Variants in CALN1 observed in about 807,000 individuals in gnomAD.
CALN1 encodes calneuron 1, also known as calcium-binding protein 8.
A neutral mutation model predicts 30.6 loss-of-function variants in CALN1; 17 were observed. That is an observed-to-expected ratio of 0.56 (90% CI 0.38 to 0.83). CALN1 has a LOEUF of 0.83. CALN1 is among the 40% of genes least tolerant of loss of function. The pLI is 0.00. For synonymous variants in CALN1, 156 were observed against 131.4 expected, an observed-to-expected ratio of 1.19 and a Z score of -1.28; for missense variants, 291 against 354.9, an observed-to-expected ratio of 0.82 and a Z score of 1.45.
intron 2 of CALN1, among the ~76,000 whole-genome samples, chr7:72,318,238 T>G (rs1800621248): frequency 6.6e-6 from 1 of 152,198 alleles, no homozygotes; most frequent in South Asian, 2.1e-4. Flanking sequence ...CACCTTGATT[T>G]TACGTTATTT....
chr7:72,369,079 T>A (rs1804056053), intron 2 of CALN1, among the ~76,000 whole-genome samples: 1 of 151,574 alleles, frequency 6.6e-6, no homozygotes, highest in African/African-American at 2.4e-5. Context: ...CCTCCTAAAG[T>A]GCTGTGATTA....
At chr7:71,858,858 AC>A (rs1791103363) in intron 5 of CALN1, among the ~76,000 whole-genome samples, 1 of 151,984 alleles carries the variant, frequency 6.6e-6, no homozygotes, top group South Asian at 2.1e-4. Context: ...CTGTGCCCCG[AC>A]CACTTTGGGC....
intron 5 of CALN1, among the ~76,000 whole-genome samples, chr7:71,995,284 G>T (rs1039350113): frequency 6.6e-6 from 1 of 152,212 alleles, no homozygotes; most frequent in African/African-American, 2.4e-5. Flanking sequence ...TGGCTTCCAG[G>T]TTCCTCCTTT....
chr7:71,996,331 TTAAC>T (rs1429345068), intron 5 of CALN1, among the ~76,000 whole-genome samples: 1 of 152,186 alleles, frequency 6.6e-6, no homozygotes, highest in African/African-American at 2.4e-5. Context: ...GAAAAGACAC[TTAAC>T]TGACTTCAAT....
At chr7:72,253,354 G>A (rs1474533043) in intron 3 of CALN1, among the ~76,000 whole-genome samples, 1 of 152,198 alleles carries the variant, frequency 6.6e-6, no homozygotes, top group Non-Finnish European at 1.5e-5. Flanking sequence ...GAGTCAAGGT[G>A]TGATTCTGAG....
chr7:72,260,472 T>C (rs1406987290), intron 3 of CALN1, among the ~76,000 whole-genome samples: 1 of 152,222 alleles, frequency 6.6e-6, no homozygotes, highest in Non-Finnish European at 1.5e-5. Flanking sequence ...GCTAGGCTGA[T>C]CAACCACAGT....
chr7:72,298,772 A>G (rs1799038857), intron 2 of CALN1, among the ~76,000 whole-genome samples: 1 of 148,786 alleles, frequency 6.7e-6, no homozygotes. Context: ...TTCTTGTGAT[A>G]GTGACTGAGT....
chr7:72,266,689 G>A (rs1796618348), intron 3 of CALN1, among the ~76,000 whole-genome samples: 1 of 152,144 alleles, frequency 6.6e-6, no homozygotes, highest in Non-Finnish European at 1.5e-5. Flanking sequence ...CATGAAGCTG[G>A]CAGGGAAGGT....
intron 5 of CALN1, among the ~76,000 whole-genome samples, chr7:71,985,322 T>C (rs1187971735): frequency 3.9e-5 from 6 of 152,100 alleles, no homozygotes; most frequent in African/African-American, 1.4e-4. Context: ...ATTGATGAGA[T>C]TGTGCATTGA....
chr7:72,058,445 G>A (rs1803423891), intron 4 of CALN1, among the ~76,000 whole-genome samples: 1 of 148,252 alleles, frequency 6.7e-6, no homozygotes, highest in Non-Finnish European at 1.5e-5. Context: ...AGCCTCCCAA[G>A]TAGCTGGGAT....
intron 2 of CALN1, among the ~76,000 whole-genome samples, chr7:72,361,506 T>C (rs1015826734): frequency 1.3e-5 from 2 of 152,096 alleles, no homozygotes; most frequent in South Asian, 4.1e-4. Flanking sequence ...ACCCTGTCTC[T>C]AAAAAACAAA....
intron 2 of CALN1, among the ~76,000 whole-genome samples, chr7:72,349,595 A>C (rs985251549): frequency 6.6e-6 from 1 of 152,248 alleles, no homozygotes; most frequent in African/African-American, 2.4e-5. Flanking sequence ...AAGCCAAAAG[A>C]CAATGGAACA....
At chr7:72,102,031 G>A (rs1584944503) in intron 4 of CALN1, among the ~76,000 whole-genome samples, 1 of 152,132 alleles carries the variant, frequency 6.6e-6, no homozygotes, top group Non-Finnish European at 1.5e-5. Flanking sequence ...ATTTTTCAAA[G>A]CTTATTTTAT....
chr7:71,898,012 GGGGGGGGA>G (rs1793639875), intron 5 of CALN1, among the ~76,000 whole-genome samples: 2 of 74,100 alleles, frequency 2.7e-5, no homozygotes, highest in Admixed American at 1.2e-4. Context: ...AGGGAGGGAG[GGGGGGGGA>G]GAGAGAGAGA....
intron 4 of CALN1, among the ~76,000 whole-genome samples, chr7:72,054,205 T>A (rs1415211322): frequency 1.3e-5 from 2 of 151,934 alleles, no homozygotes; most frequent in Non-Finnish European, 2.9e-5. Flanking sequence ...ATTTAGTTCT[T>A]TAAGGAATCT....
chr7:72,393,459 G>A (rs750263715), intron 2 of CALN1, among the ~76,000 whole-genome samples: 14 of 152,200 alleles, frequency 9.2e-5, no homozygotes, highest in South Asian at 2.1e-4. Flanking sequence ...GCAAGACTCC[G>A]TCTCAAAAAA....
upstream of CALN1, among the ~76,000 whole-genome samples, chr7:72,449,942 A>C (rs1409757507): frequency 6.7e-6 from 1 of 149,848 alleles, no homozygotes; most frequent in African/African-American, 2.5e-5. Flanking sequence ...ACTGTGGCTC[A>C]CACCTGTAAT....
intron 3 of CALN1, among the ~76,000 whole-genome samples, chr7:72,173,474 T>C (rs183420366): frequency 1.1e-4 from 17 of 152,216 alleles, no homozygotes; most frequent in Admixed American, 1.1e-3. Context: ...AATTTACATA[T>C]AAAGGCTAAA....
At chr7:72,312,615 G>T (rs2129556517) in intron 2 of CALN1, among the ~76,000 whole-genome samples, 1 of 151,896 alleles carries the variant, frequency 6.6e-6, no homozygotes, top group Admixed American at 6.6e-5. Flanking sequence ...ATGTAACTTT[G>T]GAAAAGATGC....
Sources: allele counts gnomAD v4.1 joint callset (sites outside exome capture counted in the v4.1 genomes callset), GRCh38; gene constraint gnomAD v4.1.1; transcripts MANE v1.5; gene names NCBI Gene and HGNC (gene_info 2026-07-23, HGNC 2026-07-21).